The following LPL variants were observed in gnomAD, a reference collection of about 807,000 sequenced individuals.
LPL encodes the protein lipoprotein lipase.
LPL carries 43 observed loss-of-function variants against 52.2 expected under a neutral mutation model. The observed-to-expected ratio is 0.82, with a 90% CI of 0.64 to 1.06. LPL has a LOEUF of 1.06. Among genes scored for constraint, LPL ranks in the 50% least tolerant of loss-of-function variants. LPL has a pLI of 0.00. For missense variants in LPL, 639 were observed against 585.3 expected (o/e 1.09, Z -0.95); for synonymous variants, 244 against 215.6 (o/e 1.13, Z -1.15).
chr8:19,940,686 G>A (rs1434089393), intron 1 of LPL, among the ~76,000 whole-genome samples: 1 of 152,228 alleles, frequency 6.6e-6, no homozygotes, highest in Admixed American at 6.5e-5. Context: ...GCTCTCAGGC[G>A]GCACGTCCCC....
At chr8:19,953,191 A>C (rs1447438525) in intron 3 of LPL, 119 bp from the exon 4 acceptor site, 1 of 687,032 alleles carries the variant, frequency 1.5e-6, no homozygotes, top group Non-Finnish European at 2.6e-6. Context: ...AATTAAAATA[A>C]GTAGAATTAG....
At position 19,948,261 on chromosome 8, in the gene LPL, T is replaced by C; in HGVS notation, c.170T>C (p.Ile57Thr). ...ACAGCTGAGGACACTTGCCACCTCA[T>C]TCCCGGAGTAGCAGAGTCCGTGGCT... The part of the protein sequence containing the change: ...EDTAEDTCHL[I>T]PGVAESVATC... Residue 57 changes from isoleucine to threonine, a missense_variant, in exon 2 of 10, where the codon ATT becomes ACT. Physicochemically the swap from Ile to Thr is moderately conservative, Grantham distance 89. Coordinates refer to ENST00000650287, the MANE Select transcript of LPL (RefSeq NM_000237.3). The C allele has an allele frequency of 6.2e-7, 1 of 1,614,094 alleles. No homozygotes were observed. Among genetic ancestry groups the C allele is most frequent in the Non-Finnish European group, 8.5e-7 (1 of 1,179,990 alleles).
chr8:19,942,508 T>G (rs2069849532), intron 1 of LPL, among the ~76,000 whole-genome samples: 1 of 152,322 alleles, frequency 6.6e-6, no homozygotes, highest in African/African-American at 2.4e-5. Flanking sequence ...CACTTATCAG[T>G]GTAAAGCTTT....
chr8:19,942,369 T>G (rs1487327468), intron 1 of LPL, among the ~76,000 whole-genome samples: 1 of 152,226 alleles, frequency 6.6e-6, no homozygotes, highest in Non-Finnish European at 1.5e-5. Flanking sequence ...GTGATGATTT[T>G]GGATCACAAA....
chr8:19,954,335 G>A lies in LPL; in HGVS notation c.757G>A (p.Ala253Thr), dbSNP rs1271680498. ...CNIGEAIRVI[A>T]ERGLGDVDQL... ...CATTGGAGAAGCTATCCGCGTGATT[G>A]CAGAGAGAGGACTTGGAGGTAAATA... The change falls in exon 5 of 10, where the codon GCA becomes ACA. Residue 253 changes from alanine to threonine, a missense_variant. By Grantham distance (58) the Ala-to-Thr change is moderately conservative. Transcript: ENST00000650287. 6.2e-7 allele frequency: 1 copy of A among 1,613,968 alleles called. No homozygotes were observed. The highest frequency in any genetic ancestry group is 1.1e-5 in the South Asian group (1 of 91,080).
intron 3 of LPL, 68 bp downstream of exon 3, chr8:19,952,016 G>GGCTCCT: frequency 6.5e-7 from 1 of 1,544,632 alleles, no homozygotes; most frequent in Non-Finnish European, 8.9e-7. Context: ...AAAACCGGCT[G>GGCTCCT]TTCTTTCTTC....
chr8:19,962,066 T>C, intron 8 of LPL, 49 bp from the exon 9 acceptor site: 1 of 1,215,660 alleles, frequency 8.2e-7, no homozygotes, highest in Non-Finnish European at 1.2e-6. Context: ...TTGTGAACAG[T>C]GCTTTTGATT....
chr8:19,950,879 G>GAGGA lies in LPL; in HGVS notation c.250-876_250-873dup, dbSNP rs1192550003. Among the ~76,000 whole-genome samples, 2 of 127,672 alleles carry GAGGA rather than the reference G, an allele frequency of 1.6e-5. No homozygotes were observed. The highest frequency in any genetic ancestry group is 2.8e-4 in the South Asian group (1 of 3,558). The allele number at this position is 127,672 out of a possible 152,430, so 83.8% of individuals were successfully genotyped here. A position where few individuals can be genotyped will look rare whatever the true frequency, so the allele number is the denominator to read the frequency against. ...GGAAGGAGGAAGGGAAGGAGGGAGG[G>GAGGA]AGGAAGGAAGGAAGGAATGAAGGAA... On this transcript the variant is annotated intron_variant, in intron 2 of 9. Coordinates refer to ENST00000650287, the MANE Select transcript of LPL (RefSeq NM_000237.3). The surrounding 1 kb of genome is among the most constrained non-coding windows in gnomAD (Gnocchi z 4.2).
intron 1 of LPL, among the ~76,000 whole-genome samples, chr8:19,940,374 G>C (rs1313609877): frequency 6.6e-6 from 1 of 152,184 alleles, no homozygotes; most frequent in Non-Finnish European, 1.5e-5. Context: ...TCAGCTCCGG[G>C]CGCCCGGCCC....
rs767970819 is a variant in LPL at position 19,956,023 on chromosome 8, G to T, written c.958G>T (p.Val320Phe). Residue 320 changes from valine (V) to phenylalanine (F), a missense_variant, in exon 6 of 10, where the codon GTC (valine) becomes TTC (phenylalanine). Coordinates refer to ENST00000650287, the MANE Select transcript of LPL (RefSeq NM_000237.3). ...CNNLGYEINK[V>F]RAKRSSKMYL... ...CAATCTGGGCTATGAGATCAATAAA[G>T]TCAGAGCCAAAAGAAGCAGCAAAAT... The T allele has an allele frequency of 1.9e-5, 30 of 1,614,044 alleles. No homozygotes were observed. The South Asian group carries it at 3.3e-4, about 18-fold the overall frequency.
chr8:19,950,617 T>C lies in LPL; in HGVS notation c.250-1152T>C, dbSNP rs1339060097. On this transcript the variant is annotated intron_variant, in intron 2 of 9. Transcript: ENST00000650287. The surrounding 1 kb of genome is among the most constrained non-coding windows in gnomAD (Gnocchi z 4.2). ...GAGTTTGAGACCAACCTGGCCAACA[T>C]GGGGAAACCCAATCTCTACTAAAAA... Among the ~76,000 whole-genome samples the C allele has an allele frequency of 6.6e-6, 1 of 152,094 alleles. No individual in the cohort carries two copies. Among genetic ancestry groups the C allele is most frequent in the African/African-American group, 2.4e-5 (1 of 41,418 alleles).
At position 19,966,639 on chromosome 8, in the gene LPL, G is replaced by A. The variant is rs1486861770; in HGVS notation, c.*1329G>A. On this transcript the variant is annotated 3_prime_UTR_variant, in exon 10 of 10. Transcript: ENST00000650287. ...ATCTGAACACATACTAGAAAGCTCTGCATGTGTGTTGTCCTTCAGCATAAT... is the reference window on the plus strand; with the variant it reads ...ATCTGAACACATACTAGAAAGCTCTACATGTGTGTTGTCCTTCAGCATAAT... 6.6e-6 allele frequency: 1 copy of A among 152,210 alleles called. No homozygotes were observed. The highest frequency in any genetic ancestry group is 1.5e-5 in the Non-Finnish European group (1 of 68,040). 9.4% of individuals were successfully genotyped at this position (152,210 alleles called of 1,614,324 possible).
chr8:19,960,995 G>A lies in LPL; in HGVS notation c.1234G>A (p.Asp412Asn), dbSNP rs541991367. 5 of 1,614,112 alleles carry A rather than the reference G, an allele frequency of 3.1e-6. No homozygotes were observed. The East Asian group carries it at 6.7e-5, about 22-fold the overall frequency. Residue 412 changes from aspartate (D) to asparagine (N), a missense_variant, in exon 8 of 10, where the codon GAT becomes AAT. Asp to Asn is a conservative substitution (Grantham distance 23). Transcript: ENST00000650287. ...CATGTTGAAGCTCAAATGGAAGAGT[G>A]ATTCATACTTTAGCTGGTCAGACTG... Reference protein sequence around the residue: ...LLMLKLKWKSDSYFSWSDWWS... With the variant: ...LLMLKLKWKSNSYFSWSDWWS...
At chr8:19,948,378 G>A in intron 2 of LPL, 38 bp downstream of exon 2, 1 of 1,612,158 alleles carries the variant, frequency 6.2e-7, no homozygotes, top group Non-Finnish European at 8.5e-7. Context: ...GATTGGGGTG[G>A]TGAGGTATCC....
chr8:19,955,829 T>C lies in LPL; in HGVS notation c.776-12T>C, dbSNP rs2069979353. On this transcript the variant is annotated splice_polypyrimidine_tract_variant and intron_variant, in intron 5 of 9. Transcript: ENST00000650287. ...TGCCGAGATACAATCTTGGTGTCTCTTTTTTACCCAGATGTGGACCAGCTA... is the reference window on the plus strand; with the variant it reads ...TGCCGAGATACAATCTTGGTGTCTCCTTTTTACCCAGATGTGGACCAGCTA... 3.7e-6 allele frequency: 6 copies of C among 1,614,118 alleles called. No homozygotes were observed. The highest frequency in any genetic ancestry group is 5.1e-6 in the Non-Finnish European group (6 of 1,180,006).
At chr8:19,951,731 G>T in intron 2 of LPL, 38 bp from the exon 3 acceptor site, 1 of 1,610,514 alleles carries the variant, frequency 6.2e-7, no homozygotes, top group South Asian at 1.1e-5. Context: ...ACAAGTGGTA[G>T]GTGGGTATTT....
chr8:19,960,505 A>G (rs1395076783), intron 7 of LPL, among the ~76,000 whole-genome samples: 1 of 152,226 alleles, frequency 6.6e-6, no homozygotes, highest in Non-Finnish European at 1.5e-5. Context: ...CCAGGAAAAC[A>G]TAGTAAAAAA....
At chr8:19,956,225 T>A (rs2069984572) in intron 6 of LPL, 142 bp downstream of exon 6, 1 of 1,213,176 alleles carries the variant, frequency 8.2e-7, no homozygotes, top group East Asian at 2.4e-5. Flanking sequence ...TTTCTGTTGA[T>A]AGGGGGTTGC....
chr8:19,941,250 C>T (rs965183534), intron 1 of LPL, among the ~76,000 whole-genome samples: 1 of 152,154 alleles, frequency 6.6e-6, no homozygotes, highest in African/African-American at 2.4e-5. Flanking sequence ...CGTATGTTTC[C>T]CTTCGTACTG....
Sources: allele counts gnomAD v4.1 joint callset (sites outside exome capture counted in the v4.1 genomes callset), GRCh38; gene constraint gnomAD v4.1.1; non-coding constraint Gnocchi (gnomAD v3.1); transcripts MANE v1.5; gene names NCBI Gene and HGNC (gene_info 2026-07-23, HGNC 2026-07-21).